SLC20A2: variants seen among roughly 807,000 people sequenced by gnomAD.
SLC20A2 encodes the protein solute carrier family 20 member 2.
SLC20A2 carries 30 observed loss-of-function variants against 61.0 expected under a neutral mutation model. The observed-to-expected ratio is 0.49, with a 90% CI of 0.37 to 0.67. SLC20A2 has a LOEUF of 0.67. Among genes scored for constraint, SLC20A2 ranks in the 30% least tolerant of loss-of-function variants. SLC20A2 has a pLI of 0.00. For missense variants in SLC20A2, 626 were observed against 866.4 expected (o/e 0.72, Z 3.48); for synonymous variants, 351 against 353.3 (o/e 0.99, Z 0.07).
intron 1 of SLC20A2, among the ~76,000 whole-genome samples, chr8:42,473,746 G>A (rs747299593): frequency 2.6e-5 from 4 of 152,094 alleles, no homozygotes; most frequent in Non-Finnish European, 5.9e-5. Flanking sequence ...GCATATAAAT[G>A]CTTATTGAGT....
intron 10 of SLC20A2, among the ~76,000 whole-genome samples, chr8:42,427,384 T>A (rs528535887): frequency 6.6e-6 from 1 of 152,306 alleles, no homozygotes; most frequent in Non-Finnish European, 1.5e-5. Context: ...ATCCTGGATC[T>A]ATCACATGTG....
At chr8:42,517,368 C>A (rs1381169832) in intron 1 of SLC20A2, among the ~76,000 whole-genome samples, 657 of 125,958 alleles carry the variant, frequency 5.2e-3, no homozygotes, top group Admixed American at 6.3e-3. Flanking sequence ...GATCCTGTCT[C>A]AAAAAAAAAA....
chr8:42,517,437 T>TA (rs936983736), intron 1 of SLC20A2, among the ~76,000 whole-genome samples: 4 of 152,016 alleles, frequency 2.6e-5, no homozygotes, highest in Admixed American at 2.0e-4. Flanking sequence ...GATGGGAACT[T>TA]AGAGTACCTT....
At chr8:42,486,556 G>A (rs73632717) in intron 1 of SLC20A2, among the ~76,000 whole-genome samples, 1,638 of 152,312 alleles carry the variant, frequency 0.011, 36 homozygotes, top group African/African-American at 0.037. Context: ...ATGTGGCAGT[G>A]TTTTTATTTT....
rs181201974 is a variant in SLC20A2, at chr8:42,462,062, G to A, written c.516+943C>T. Among the ~76,000 whole-genome samples the A allele has an allele frequency of 2.6e-5, 4 of 152,284 alleles. No homozygotes were observed. In the East Asian group the frequency reaches 7.7e-4, roughly 29 times the overall value. ...ACTGTGGCCGGAGCTCAAAAGAGAGGGGACCAGGCGAATCTGGGGGAGGGG... is the reference window on the plus strand; with the variant it reads ...ACTGTGGCCGGAGCTCAAAAGAGAGAGGACCAGGCGAATCTGGGGGAGGGG... On this transcript the variant is annotated intron_variant, in intron 4 of 10. Coordinates refer to ENST00000520262, the MANE Select transcript of SLC20A2 (RefSeq NM_001257180.2).
At chr8:42,436,704 CCGCCCCT>C (rs1804287428) in intron 8 of SLC20A2, among the ~76,000 whole-genome samples, 1 of 152,222 alleles carries the variant, frequency 6.6e-6, no homozygotes, top group African/African-American at 2.4e-5. Context: ...CGCCACGTGG[CCGCCCCT>C]GCACCTCCGT....
chr8:42,452,635 C>T (rs1003035165), intron 5 of SLC20A2, among the ~76,000 whole-genome samples: 24 of 121,568 alleles, frequency 2.0e-4, no homozygotes, highest in African/African-American at 4.8e-4. Context: ...AGGGGGAGGA[C>T]GAGGAGGAAG....
rs1196129816 is a variant in SLC20A2 at position 42,485,705 on chromosome 8, T to C, written c.-264-13051A>G. Among the ~76,000 whole-genome samples the C allele has an allele frequency of 4.7e-5, 7 of 149,804 alleles. No homozygotes were observed. The East Asian group carries it at 9.8e-4, about 21-fold the overall frequency. On this transcript the variant is annotated intron_variant, in intron 1 of 10. Coordinates refer to ENST00000520262, the MANE Select transcript of SLC20A2 (RefSeq NM_001257180.2). ...GCTCACACCTGTAATCCCAGCACTTTGGGAGGCTGAGGCGGGCGGATCACA... is the reference window on the plus strand; with the variant it reads ...GCTCACACCTGTAATCCCAGCACTTCGGGAGGCTGAGGCGGGCGGATCACA...
Position 42,438,063 on chromosome 8 carries a change from C to CAAAAAAAA in SLC20A2, c.935-494_935-487dup, listed in dbSNP as rs1391262305. ...TATGGTTACCACTAAAAAAAAAAAC[C>CAAAAAAAA]AAAAAAAAAAAAAAAAAAAAAAAAA... On this transcript the variant is annotated intron_variant, in intron 7 of 10. Coordinates refer to ENST00000520262, the MANE Select transcript of SLC20A2 (RefSeq NM_001257180.2). 5.9e-3 allele frequency among the ~76,000 whole-genome samples: 158 copies of CAAAAAAAA among 26,826 alleles called. 14 individuals are homozygous for CAAAAAAAA. The highest frequency in any genetic ancestry group is 0.011 in the East Asian group (7 of 638). 17.6% of individuals were successfully genotyped at this position (26,826 alleles called of 152,430 possible). A position where few individuals can be genotyped will look rare whatever the true frequency, so the allele number is the denominator to read the frequency against.
chr8:42,446,099 G>A (rs1805191715), intron 5 of SLC20A2, among the ~76,000 whole-genome samples: 1 of 152,240 alleles, frequency 6.6e-6, no homozygotes. Context: ...GGGATTACAG[G>A]CATGAGCCAC....
At chr8:42,429,726 G>A (rs1469771758) in intron 9 of SLC20A2, among the ~76,000 whole-genome samples, 3 of 152,262 alleles carry the variant, frequency 2.0e-5, no homozygotes, top group Middle Eastern at 3.4e-3. Context: ...CCAGGGGCCT[G>A]TTTAAGTCTG....
chr8:42,426,732 G>A (rs1276156275), intron 10 of SLC20A2, among the ~76,000 whole-genome samples: 1 of 151,734 alleles, frequency 6.6e-6, no homozygotes, highest in East Asian at 1.9e-4. Flanking sequence ...ACAAAAAAAA[G>A]CTATTTCAAC....
chr8:42,497,297 T>C (rs1809998105), intron 1 of SLC20A2, among the ~76,000 whole-genome samples: 1 of 152,208 alleles, frequency 6.6e-6, no homozygotes, highest in Admixed American at 6.5e-5. Flanking sequence ...TTGCCCATTT[T>C]ATAATACCCT....
rs1372567607 is a variant in SLC20A2 at position 42,521,195 on chromosome 8, C to T, written c.-265+20626G>A. On this transcript the variant is annotated intron_variant, in intron 1 of 10. Transcript: ENST00000342228. ...AACACTATTTGTAAAAACAAAATAA[C>T]CCAAATGTCCTTCAATGGACAAATG... is the stretch of plus-strand genomic sequence containing the variant. Among the ~76,000 whole-genome samples, 3 of 121,370 alleles carry T rather than the reference C, an allele frequency of 2.5e-5. 1 individual carries two copies. The highest frequency in any genetic ancestry group is 5.9e-5 in the Non-Finnish European group (3 of 50,548). 79.6% of individuals were successfully genotyped at this position (121,370 alleles called of 152,430 possible).
chr8:42,464,090 A>ATTTTTTTTTTTTTTTTTTTTTTT (rs1563488008), intron 3 of SLC20A2, among the ~76,000 whole-genome samples: 1 of 19,996 alleles, frequency 5.0e-5, no homozygotes, highest in Non-Finnish European at 1.3e-4. Context: ...AGGCTGGATG[A>ATTTTTTTTTTTTTTTTTTTTTTT]TCTTTTTTTT....
At chr8:42,459,235 CAAAAAA>C (rs756966778) in intron 5 of SLC20A2, among the ~76,000 whole-genome samples, 1 of 36,076 alleles carries the variant, frequency 2.8e-5, no homozygotes, top group East Asian at 1.1e-3. Flanking sequence ...GACTCTATCT[CAAAAAA>C]AAAAAAAAAA....
intron 5 of SLC20A2, among the ~76,000 whole-genome samples, chr8:42,445,702 G>A (rs1298520778): frequency 6.6e-6 from 1 of 151,884 alleles, no homozygotes; most frequent in African/African-American, 2.4e-5. Flanking sequence ...ACTCTAGTCT[G>A]GGCAACAAGA....
At chr8:42,483,937 G>A (rs1419500258) in intron 1 of SLC20A2, among the ~76,000 whole-genome samples, 3 of 152,144 alleles carry the variant, frequency 2.0e-5, no homozygotes, top group Non-Finnish European at 4.4e-5. Flanking sequence ...TTCTATTGGA[G>A]GTTCAATAAA....
chr8:42,459,235 CAAAA>C (rs756966778), intron 5 of SLC20A2, among the ~76,000 whole-genome samples: 3 of 36,072 alleles, frequency 8.3e-5, no homozygotes, highest in African/African-American at 1.3e-4. Flanking sequence ...GACTCTATCT[CAAAA>C]AAAAAAAAAA....
Sources: gnomAD v4.1 joint callset for allele counts (sites outside exome capture counted in the v4.1 genomes callset) on GRCh38, gnomAD v4.1.1 for gene constraint, MANE v1.5 for transcripts, NCBI Gene and HGNC (gene_info 2026-07-23, HGNC 2026-07-21) for gene names.